DCLK3: variants seen among roughly 807,000 people sequenced by gnomAD.
The protein encoded by DCLK3 is serine/threonine-protein kinase DCLK3.
In DCLK3, 30 loss-of-function variants were observed where a neutral mutation model predicts 46.4. That is an observed-to-expected ratio of 0.65 (90% CI 0.48 to 0.88). The LOEUF is 0.88. DCLK3 is among the 40% of genes least tolerant of loss of function. DCLK3 has a pLI of 0.00. For missense variants in DCLK3, 846 were observed against 907.1 expected (o/e 0.93, Z 0.87); for synonymous variants, 401 against 339.2 (o/e 1.18, Z -2.00).
intron 2 of DCLK3, among the ~76,000 whole-genome samples, chr3:36,733,862 A>T (rs1701227819): frequency 6.6e-6 from 1 of 152,230 alleles, no homozygotes. Flanking sequence ...TTAAAACATG[A>T]AAGCTTACTA....
At chr3:36,721,108 T>A (rs759147222) in intron 3 of DCLK3, among the ~76,000 whole-genome samples, 3 of 152,230 alleles carry the variant, frequency 2.0e-5, no homozygotes, top group Non-Finnish European at 4.4e-5. Context: ...GAAAATGGGA[T>A]CCTTTTCCTT....
chr3:36,745,237 A>T (rs180773319), intron 1 of DCLK3, among the ~76,000 whole-genome samples: 4 of 152,356 alleles, frequency 2.6e-5, no homozygotes, highest in Admixed American at 1.3e-4. Context: ...AAGAGATTTT[A>T]CCTTTTCCAA....
rs1701566661 is a variant in DCLK3 at position 36,764,338 on chromosome 3, C to A, written c.-75G>T. On this transcript the variant is annotated 5_prime_UTR_variant, in exon 1 of 5. Coordinates refer to ENST00000636136, the MANE Select transcript of DCLK3 (RefSeq NM_001394672.2). The surrounding 1 kb of genome is among the most constrained non-coding windows in gnomAD (Gnocchi z 4.9). Reference sequence around the variant, plus strand: ...GGACGCGGCTCGACGGTCGAGCAGGCGCGGGAAGGCGGGGCGAGACGAGCA... The same window carrying A: ...GGACGCGGCTCGACGGTCGAGCAGGAGCGGGAAGGCGGGGCGAGACGAGCA... The A allele has an allele frequency of 4.8e-6, 1 of 206,934 alleles. No individual in the cohort carries two copies. Among genetic ancestry groups the A allele is most frequent in the East Asian group, 1.1e-4 (1 of 8,952 alleles). The allele number at this position is 206,934 out of a possible 1,614,324, so 12.8% of individuals were successfully genotyped here.
intron 1 of DCLK3, among the ~76,000 whole-genome samples, chr3:36,741,201 G>T (rs1351117655): frequency 6.6e-6 from 1 of 152,214 alleles, no homozygotes; most frequent in African/African-American, 2.4e-5. Flanking sequence ...TGTATTTCCT[G>T]CATTGGGGAA....
intron 2 of DCLK3, among the ~76,000 whole-genome samples, chr3:36,728,894 C>T (rs940607196): frequency 6.6e-6 from 1 of 152,158 alleles, no homozygotes; most frequent in African/African-American, 2.4e-5. Context: ...ATCCCTATTC[C>T]AAGTGCAGCC....
At chr3:36,732,456 G>A (rs1018766512) in intron 2 of DCLK3, among the ~76,000 whole-genome samples, 14 of 152,136 alleles carry the variant, frequency 9.2e-5, no homozygotes, top group Admixed American at 3.9e-4. Flanking sequence ...TCTTACCAAT[G>A]TAAACCTACA....
intron 1 of DCLK3, among the ~76,000 whole-genome samples, chr3:36,751,538 C>T (rs566345981): frequency 9.2e-5 from 14 of 152,372 alleles, no homozygotes; most frequent in African/African-American, 3.4e-4. Flanking sequence ...ACAGTTCCCT[C>T]TAACAGCCCA....
intron 2 of DCLK3, among the ~76,000 whole-genome samples, chr3:36,722,435 T>C (rs2125522316): frequency 6.6e-6 from 1 of 152,354 alleles, no homozygotes; most frequent in South Asian, 2.1e-4. Flanking sequence ...CCATTCTCCA[T>C]GATGTAATGA....
At chr3:36,750,292 G>A (rs1701428850) in intron 1 of DCLK3, among the ~76,000 whole-genome samples, 1 of 152,116 alleles carries the variant, frequency 6.6e-6, no homozygotes, top group Non-Finnish European at 1.5e-5. Flanking sequence ...GTGTTGGCCA[G>A]CCTGGTCTCA....
In DCLK3 at chr3:36,763,370, C is replaced by T. The variant is rs144343690; in HGVS notation, c.82+812G>A. ...TACTCTGAAAAGGTGTCCCCAGACG[C>T]CTCTGCCAAGGACTGGCACAGCCTT... On this transcript the variant is annotated intron_variant, in intron 1 of 4. Transcript: ENST00000636136. Among the ~76,000 whole-genome samples the T allele has an allele frequency of 3.6e-3, 550 of 152,380 alleles. 3 individuals carry two copies. Among genetic ancestry groups the T allele is most frequent in the Middle Eastern group, 6.8e-3 (2 of 294 alleles).
intron 1 of DCLK3, among the ~76,000 whole-genome samples, chr3:36,747,148 G>A (rs573318738): frequency 2.6e-5 from 4 of 152,106 alleles, no homozygotes; most frequent in Non-Finnish European, 5.9e-5. Context: ...ATATAGAAGT[G>A]GCAAAGGAAA....
intron 2 of DCLK3, among the ~76,000 whole-genome samples, chr3:36,727,683 G>T (rs1046035242): frequency 2.6e-5 from 4 of 152,148 alleles, no homozygotes; most frequent in Non-Finnish European, 5.9e-5. Flanking sequence ...TAAGATCAGT[G>T]GTGCCACTTG....
chr3:36,728,046 C>T (rs780713763), intron 2 of DCLK3, among the ~76,000 whole-genome samples: 61 of 152,208 alleles, frequency 4.0e-4, no homozygotes, highest in African/African-American at 1.3e-3. Context: ...ACCAGACTAT[C>T]GTTCATGTCT....
In DCLK3 at chr3:36,738,423, G is replaced by A; in HGVS notation, c.744C>T (p.Ile248=). 6.8e-7 allele frequency: 1 copy of A among 1,474,900 alleles called. No individual in the cohort carries two copies. The allele number at this position is 1,474,900 out of a possible 1,614,324, so 91.4% of individuals were successfully genotyped here. Residue 248 remains isoleucine (I), a synonymous_variant, in exon 2 of 5, where the codon ATC becomes ATT. Coordinates refer to ENST00000636136, the MANE Select transcript of DCLK3 (RefSeq NM_001394672.2). ...TGTCATCTAGTGAAAGCTCCTCGGG[G>A]ATCTTCCCCTGGTGCCTCATGGCTG... The part of the protein sequence containing the change: ...CKAAMRHQGK[I]PEELSLDDRA...
chr3:36,745,267 C>A (rs1423229009), intron 1 of DCLK3, among the ~76,000 whole-genome samples: 1 of 152,126 alleles, frequency 6.6e-6, no homozygotes, highest in East Asian at 1.9e-4. Flanking sequence ...AAATAACTCA[C>A]GTGTCTAATT....
In DCLK3 at chr3:36,738,116, T is replaced by C; in HGVS notation, c.1051A>G (p.Ser351Gly). Reference protein sequence around the residue: ...YDVEKLVRTRSCRRSPEANPA... With the variant: ...YDVEKLVRTRGCRRSPEANPA... ...TTTGCCTCGGGAGACCTCCTGCAGC[T>C]TCTGGTCCTCACCAGCTTCTCCACA... Residue 351 changes from serine to glycine, a missense_variant, in exon 2 of 5, where the codon AGC becomes GGC. Transcript: ENST00000636136. 2.5e-6 allele frequency: 4 copies of C among 1,614,012 alleles called. No individual in the cohort carries two copies. The highest frequency in any genetic ancestry group is 3.4e-6 in the Non-Finnish European group (4 of 1,179,970).
intron 1 of DCLK3, among the ~76,000 whole-genome samples, chr3:36,752,915 A>G (rs1282475139): frequency 1.3e-5 from 2 of 152,252 alleles, no homozygotes; most frequent in Non-Finnish European, 2.9e-5. Context: ...CATGTAGCAG[A>G]CAACAAATAT....
rs556821041 is a variant in DCLK3, at chr3:36,745,350, A to G, written c.83-6266T>C. Reference sequence around the variant, plus strand: ...TTCATCTTGGCTCCTAGAAAGCTATAATAACACAAGAAAAATAATGACAGA... The same window carrying G: ...TTCATCTTGGCTCCTAGAAAGCTATGATAACACAAGAAAAATAATGACAGA... On this transcript the variant is annotated intron_variant, in intron 1 of 4. Transcript: ENST00000636136. Among the ~76,000 whole-genome samples, 223 of 152,358 alleles carry G rather than the reference A, an allele frequency of 1.5e-3. 1 individual carries two copies. Among genetic ancestry groups the G allele is most frequent in the Middle Eastern group, 6.8e-3 (2 of 294 alleles).
In DCLK3 at chr3:36,738,081, A is replaced by C. The variant is rs1409625882; in HGVS notation, c.1086T>G (p.Ser362Arg). The change falls in exon 2 of 5, where the codon AGT (serine) becomes AGG (arginine). Residue 362 changes from serine to arginine, a missense_variant. By Grantham distance (110) the Ser-to-Arg change is moderately radical. This residue lies in a region of DCLK3 where 553 missense variants were observed against 543.0 expected (regional missense o/e 1.02). Coordinates refer to ENST00000636136, the MANE Select transcript of DCLK3 (RefSeq NM_001394672.2). ...CRRSPEANPA[S>R]GEEGWKGDSH... ...TGTCACCCTTCCACCCTTCCTCCCC[A>C]CTTGCAGGATTTGCCTCGGGAGACC... 2 of 1,612,746 alleles carry C rather than the reference A, an allele frequency of 1.2e-6. No homozygotes were observed. Among genetic ancestry groups the C allele is most frequent in the Admixed American group, 3.3e-5 (2 of 59,896 alleles).
Sources: allele counts gnomAD v4.1 joint callset (sites outside exome capture counted in the v4.1 genomes callset), GRCh38; gene constraint gnomAD v4.1.1; regional missense constraint gnomAD v4.1.1; non-coding constraint Gnocchi (gnomAD v3.1); transcripts MANE v1.5; gene names NCBI Gene and HGNC (gene_info 2026-07-23, HGNC 2026-07-21).